TRPM3: variants seen among roughly 807,000 people sequenced by gnomAD.
The protein encoded by TRPM3 is long transient receptor potential channel 3.
In TRPM3, 77 loss-of-function variants were observed where a neutral mutation model predicts 181.2. That is an observed-to-expected ratio of 0.42 (90% CI 0.35 to 0.51). The LOEUF (loss-of-function observed/expected upper bound fraction) is 0.51, where lower values mean the gene tolerates loss of function less well. TRPM3 is among the 20% of genes least tolerant of loss of function. TRPM3 has a pLI of 0.01. For missense variants in TRPM3, 1,759 were observed against 2,196.7 expected (o/e 0.80, Z 3.98); for synonymous variants, 745 against 796.4 (o/e 0.94, Z 1.09).
chr9:71,439,841 C>T (rs1171282278), intron 1 of TRPM3, among the ~76,000 whole-genome samples: 2 of 152,078 alleles, frequency 1.3e-5, no homozygotes, highest in East Asian at 3.8e-4. Flanking sequence ...TTTTCTTAGG[C>T]TGGGCGCAGT....
chr9:70,796,015 A>T (rs1265183495), intron 6 of TRPM3, among the ~76,000 whole-genome samples: 1 of 152,204 alleles, frequency 6.6e-6, no homozygotes, highest in Non-Finnish European at 1.5e-5. Context: ...AATCGATCTA[A>T]GTCTACAAGA....
chr9:71,344,444 C>T lies in TRPM3; in HGVS notation c.183+102209G>A, dbSNP rs925669717. Among the ~76,000 whole-genome samples, 4 of 151,168 alleles carry T rather than the reference C, an allele frequency of 2.6e-5. No homozygotes were observed. The South Asian group carries it at 8.4e-4, about 32-fold the overall frequency. On this transcript the variant is annotated intron_variant, in intron 1 of 24. Transcript: ENST00000357533. ...CCAGCCTGGGAGATAGAGTGAGACT[C>T]CATCTCAAAAAAAAAAAATTAACTG...
intron 1 of TRPM3, among the ~76,000 whole-genome samples, chr9:71,066,350 G>A (rs945979630): frequency 6.6e-6 from 1 of 152,174 alleles, no homozygotes; most frequent in African/African-American, 2.4e-5. Context: ...AAACTGAGAT[G>A]TGGTCTGATT....
chr9:71,181,367 AT>A (rs59651573), intron 1 of TRPM3, among the ~76,000 whole-genome samples: 55,759 of 141,538 alleles, frequency 0.39, 11,192 homozygotes, highest in Non-Finnish European at 0.49. Context: ...GGAAACTGCA[AT>A]TTTTTTTTTT....
intron 7 of TRPM3, among the ~76,000 whole-genome samples, chr9:70,765,006 C>T (rs2078835541): frequency 6.6e-6 from 1 of 152,188 alleles, no homozygotes; most frequent in African/African-American, 2.4e-5. Flanking sequence ...CATGGTTTAA[C>T]ATACACAATG....
chr9:70,846,933 C>T (rs2094984278), intron 3 of TRPM3, among the ~76,000 whole-genome samples: 1 of 152,088 alleles, frequency 6.6e-6, no homozygotes, highest in Non-Finnish European at 1.5e-5. Context: ...TCAAATGTTT[C>T]TAATATTTTT....
At chr9:70,581,971 CTTCT>C (rs2055898694) in intron 22 of TRPM3, among the ~76,000 whole-genome samples, 1 of 143,870 alleles carries the variant, frequency 7.0e-6, no homozygotes, top group Admixed American at 7.2e-5. Context: ...TTCTTCCTTC[CTTCT>C]CTCCCTCTTT....
At chr9:70,754,112 G>A (rs1295546558) in intron 8 of TRPM3, among the ~76,000 whole-genome samples, 1 of 152,140 alleles carries the variant, frequency 6.6e-6, no homozygotes, top group Non-Finnish European at 1.5e-5. Context: ...GCTTCTGCAG[G>A]AGCTCAGAGG....
chr9:71,261,273 C>T (rs572582134), intron 1 of TRPM3, among the ~76,000 whole-genome samples: 1 of 152,240 alleles, frequency 6.6e-6, no homozygotes, highest in South Asian at 2.1e-4. Context: ...TCTCTGATAT[C>T]CTTTCTTCCG....
intron 22 of TRPM3, among the ~76,000 whole-genome samples, chr9:70,569,084 C>T (rs10868853): frequency 0.85 from 129,165 of 152,204 alleles, 54,978 homozygotes; most frequent in East Asian, 0.97. Context: ...AAACTGATAC[C>T]CTTTGGAAGG....
intron 1 of TRPM3, among the ~76,000 whole-genome samples, chr9:71,008,508 T>C (rs1056534210): frequency 6.6e-6 from 1 of 152,050 alleles, no homozygotes; most frequent in African/African-American, 2.4e-5. Flanking sequence ...TGCAAAAATC[T>C]TCAACAAAAT....
rs968364045 is a variant in TRPM3 at position 71,121,440 on chromosome 9, C to A, written c.-86G>T. ...GACTAGTCAAGTAGCCTTGCCTGAG[C>A]CCCTGAACCTTCTTAAAACAGCCAC... On this transcript the variant is annotated 5_prime_UTR_variant, in exon 1 of 26. Transcript: ENST00000677713. 6.7e-7 allele frequency: 1 copy of A among 1,502,158 alleles called. No homozygotes were observed. Among genetic ancestry groups the A allele is most frequent in the Non-Finnish European group, 8.8e-7 (1 of 1,130,126 alleles). The allele number at this position is 1,502,158 out of a possible 1,614,324, so 93.1% of individuals were successfully genotyped here. A position where few individuals can be genotyped will look rare whatever the true frequency, so the allele number is the denominator to read the frequency against.
intron 6 of TRPM3, among the ~76,000 whole-genome samples, chr9:70,793,015 A>C (rs921401790): frequency 2.6e-5 from 4 of 152,238 alleles, no homozygotes; most frequent in African/African-American, 7.2e-5. Flanking sequence ...AATTTCATTT[A>C]GTTTTCATGC....
At chr9:71,433,078 T>A (rs1482614356) in intron 1 of TRPM3, among the ~76,000 whole-genome samples, 1 of 152,260 alleles carries the variant, frequency 6.6e-6, no homozygotes, top group African/African-American at 2.4e-5. Flanking sequence ...TCTTCATTTC[T>A]ATGCTGTGCT....
At chr9:71,176,792 G>C (rs1232024251) in intron 1 of TRPM3, among the ~76,000 whole-genome samples, 1 of 151,986 alleles carries the variant, frequency 6.6e-6, no homozygotes, top group Non-Finnish European at 1.5e-5. Context: ...TATTTTCCAT[G>C]TTTAAATACA....
chr9:71,117,824 G>T (rs1358651456), intron 1 of TRPM3, among the ~76,000 whole-genome samples: 1 of 152,054 alleles, frequency 6.6e-6, no homozygotes, highest in East Asian at 1.9e-4. Context: ...TCCAAAATCT[G>T]TCACAAATAC....
intron 1 of TRPM3, among the ~76,000 whole-genome samples, chr9:71,006,105 C>T: frequency 6.6e-6 from 1 of 152,046 alleles, no homozygotes; most frequent in East Asian, 1.9e-4. Context: ...AAGATGGTTG[C>T]AACTTATTTA....
At chr9:70,778,840 T>C (rs1043841254) in intron 7 of TRPM3, among the ~76,000 whole-genome samples, 25 of 152,154 alleles carry the variant, frequency 1.6e-4, no homozygotes, top group African/African-American at 6.0e-4. Context: ...AAAACAATAG[T>C]GACCACTGCA....
chr9:71,076,740 A>G (rs910842603), intron 1 of TRPM3, among the ~76,000 whole-genome samples: 3 of 152,194 alleles, frequency 2.0e-5, no homozygotes, highest in Non-Finnish European at 4.4e-5. Flanking sequence ...CTTGAGCTTT[A>G]AAAAGACAGC....
Sources: gnomAD v4.1 joint callset for allele counts (sites outside exome capture counted in the v4.1 genomes callset) on GRCh38, gnomAD v4.1.1 for gene constraint, MANE v1.5 for transcripts, NCBI Gene and HGNC (gene_info 2026-07-23, HGNC 2026-07-21) for gene names.